EPHA6: variants seen among roughly 807,000 people sequenced by gnomAD.
The protein encoded by EPHA6 is ephrin type-A receptor 6.
Under a neutral mutation model 112.0 loss-of-function variants are expected in EPHA6, and 50 were observed. The ratio of observed to expected loss-of-function variants is 0.45; its 90% CI spans 0.36 to 0.56. EPHA6 has a LOEUF of 0.56. EPHA6 is among the 20% of genes least tolerant of loss of function. EPHA6 has a pLI of 0.00. For missense variants in EPHA6, 1,280 were observed against 1,417.4 expected, an observed-to-expected ratio of 0.90 and a Z score of 1.56; for synonymous variants, 529 against 490.7, an observed-to-expected ratio of 1.08 and a Z score of -1.03.
At chr3:96,824,391 T>A (rs1038154103) in intron 1 of EPHA6, among the ~76,000 whole-genome samples, 4 of 151,906 alleles carry the variant, frequency 2.6e-5, no homozygotes, top group Admixed American at 1.3e-4. Context: ...TATCTGTAGT[T>A]ATCTTTGGGT....
chr3:97,054,157 C>G (rs963402854), intron 3 of EPHA6, among the ~76,000 whole-genome samples: 1 of 140,292 alleles, frequency 7.1e-6, no homozygotes, highest in African/African-American at 3.0e-5. Context: ...TCTGACATAA[C>G]TATCTAACAC....
At chr3:97,408,329 C>G (rs1447319649) in intron 6 of EPHA6, among the ~76,000 whole-genome samples, 1 of 151,860 alleles carries the variant, frequency 6.6e-6, no homozygotes, top group Non-Finnish European at 1.5e-5. Context: ...ACCATAGCAC[C>G]CTTCTCTTAT....
intron 2 of EPHA6, among the ~76,000 whole-genome samples, chr3:96,868,647 A>G (rs2036462784): frequency 6.6e-6 from 1 of 151,966 alleles, no homozygotes; most frequent in Non-Finnish European, 1.5e-5. Context: ...TTGATTTTAC[A>G]AATATGTCAT....
intron 2 of EPHA6, among the ~76,000 whole-genome samples, chr3:96,893,575 C>T (rs887233694): frequency 1.3e-5 from 2 of 152,148 alleles, no homozygotes; most frequent in South Asian, 2.1e-4. Flanking sequence ...TGTCCCATTC[C>T]ACCATAGCTA....
intron 13 of EPHA6, among the ~76,000 whole-genome samples, chr3:97,624,072 T>C (rs986643606): frequency 1.3e-5 from 2 of 151,738 alleles, no homozygotes; most frequent in African/African-American, 4.8e-5. Context: ...TTAGTTATGT[T>C]GAATCGAAGT....
intron 5 of EPHA6, among the ~76,000 whole-genome samples, chr3:97,264,381 G>A (rs984260478): frequency 2.6e-5 from 4 of 152,240 alleles, no homozygotes; most frequent in Admixed American, 1.3e-4. Context: ...TCCAGGTGCC[G>A]GCACGGGCAC....
At chr3:97,602,849 A>G (rs1357734208) in intron 12 of EPHA6, among the ~76,000 whole-genome samples, 1 of 152,060 alleles carries the variant, frequency 6.6e-6, no homozygotes, top group East Asian at 1.9e-4. Context: ...TTTATTTGAC[A>G]TGTAATTTAA....
chr3:96,885,738 T>A, intron 2 of EPHA6, among the ~76,000 whole-genome samples: 1 of 152,172 alleles, frequency 6.6e-6, no homozygotes, highest in East Asian at 1.9e-4. Context: ...TTTGCCCTGA[T>A]CTTTGTTACG....
chr3:97,105,599 A>T, intron 3 of EPHA6, among the ~76,000 whole-genome samples: 1 of 152,148 alleles, frequency 6.6e-6, no homozygotes, highest in East Asian at 1.9e-4. Context: ...AGTATGTGCC[A>T]TGTGACAATG....
chr3:97,554,329 T>C (rs1419629409), intron 11 of EPHA6, among the ~76,000 whole-genome samples: 1 of 152,134 alleles, frequency 6.6e-6, no homozygotes, highest in Non-Finnish European at 1.5e-5. Flanking sequence ...CTTCCTAAAT[T>C]TTCCATAAAG....
In EPHA6 at chr3:96,917,384, A is replaced by T. The variant is rs372524908; in HGVS notation, c.450+50495A>T. On this transcript the variant is annotated intron_variant, in intron 2 of 17. Transcript: ENST00000389672. ...CAGTGAGCCAATATCGTGCCGCTACACTCCAGCCTGGGTGATGGAGTAAGA... is the reference window on the plus strand; with the variant it reads ...CAGTGAGCCAATATCGTGCCGCTACTCTCCAGCCTGGGTGATGGAGTAAGA... Among the ~76,000 whole-genome samples the T allele has an allele frequency of 3.6e-4, 49 of 135,904 alleles. No homozygotes were observed. In the East Asian group the frequency reaches 9.6e-3, roughly 27 times the overall value. 89.2% of individuals were successfully genotyped at this position (135,904 alleles called of 152,430 possible).
At chr3:96,901,475 GA>G (rs1416570518) in intron 2 of EPHA6, among the ~76,000 whole-genome samples, 2 of 149,828 alleles carry the variant, frequency 1.3e-5, no homozygotes, top group Non-Finnish European at 2.9e-5. Flanking sequence ...TCTGGGAAAA[GA>G]TTTTTTTTTT....
At chr3:97,544,622 G>T (rs534185569) in intron 11 of EPHA6, among the ~76,000 whole-genome samples, 32 of 152,264 alleles carry the variant, frequency 2.1e-4, no homozygotes, top group African/African-American at 7.0e-4. Context: ...AGTTAGGGAG[G>T]ATTCACTCTT....
At chr3:97,175,907 C>A (rs182788986) in intron 3 of EPHA6, among the ~76,000 whole-genome samples, 1 of 151,874 alleles carries the variant, frequency 6.6e-6, no homozygotes, top group Non-Finnish European at 1.5e-5. Context: ...CTTCTCTTTT[C>A]TGATTGCTCT....
intron 10 of EPHA6, among the ~76,000 whole-genome samples, chr3:97,524,066 A>G (rs962895624): frequency 6.6e-6 from 1 of 152,048 alleles, no homozygotes; most frequent in Non-Finnish European, 1.5e-5. Context: ...TTAACTGTAG[A>G]CTGTAATCTC....
At chr3:96,888,064 A>G (rs2037736881) in intron 2 of EPHA6, among the ~76,000 whole-genome samples, 1 of 152,030 alleles carries the variant, frequency 6.6e-6, no homozygotes, top group African/African-American at 2.4e-5. Flanking sequence ...CCACCTGTGG[A>G]GTCTGCACAC....
At chr3:97,229,394 A>G (rs1210175980) in intron 4 of EPHA6, among the ~76,000 whole-genome samples, 1 of 152,124 alleles carries the variant, frequency 6.6e-6, no homozygotes, top group Non-Finnish European at 1.5e-5. Context: ...TGATTTTTGT[A>G]TCAGGTGAGA....
intron 10 of EPHA6, among the ~76,000 whole-genome samples, chr3:97,488,049 C>T (rs9823396): frequency 0.068 from 10,375 of 152,204 alleles, 1,100 homozygotes; most frequent in African/African-American, 0.23. Context: ...AGTATAAGAA[C>T]AACTTGCCTG....
intron 2 of EPHA6, among the ~76,000 whole-genome samples, chr3:96,913,001 G>T (rs2039296694): frequency 6.6e-6 from 1 of 152,020 alleles, no homozygotes; most frequent in Non-Finnish European, 1.5e-5. Context: ...GAGAAGCAGT[G>T]TAAGGTAGAA....
Sources: gnomAD v4.1 joint callset for allele counts (sites outside exome capture counted in the v4.1 genomes callset) on GRCh38, gnomAD v4.1.1 for gene constraint, MANE v1.5 for transcripts, NCBI Gene and HGNC (gene_info 2026-07-23, HGNC 2026-07-21) for gene names.